Variants in CMTM7 observed in about 807,000 individuals in gnomAD.
The protein encoded by CMTM7 is CKLF-like MARVEL transmembrane domain-containing protein 7.
A neutral mutation model predicts 19.3 loss-of-function variants in CMTM7; 7 were observed. The ratio of observed to expected loss-of-function variants is 0.36; its 90% CI spans 0.21 to 0.68. The LOEUF (loss-of-function observed/expected upper bound fraction) is 0.68. CMTM7 is among the 30% of genes least tolerant of loss of function. The pLI is 0.60. For missense variants in CMTM7, 193 were observed against 232.6 expected, an observed-to-expected ratio of 0.83 and a Z score of 1.11; for synonymous variants, 87 against 99.3, an observed-to-expected ratio of 0.88 and a Z score of 0.74.
intron 1 of CMTM7, among the ~76,000 whole-genome samples, chr3:32,433,002 A>C (rs2125635875): frequency 6.6e-6 from 1 of 152,302 alleles, no homozygotes; most frequent in Non-Finnish European, 1.5e-5. Flanking sequence ...AGTGATGACA[A>C]GAGTGAGCAG....
At chr3:32,419,471 T>C (rs1696312194) in intron 1 of CMTM7, among the ~76,000 whole-genome samples, 1 of 152,238 alleles carries the variant, frequency 6.6e-6, no homozygotes, top group Non-Finnish European at 1.5e-5. Flanking sequence ...GCATGCAGTA[T>C]CTCATCAAGT....
At chr3:32,424,005 A>G (rs979428369) in intron 1 of CMTM7, among the ~76,000 whole-genome samples, 51 of 152,318 alleles carry the variant, frequency 3.3e-4, no homozygotes, top group African/African-American at 1.2e-3. Flanking sequence ...ATAACGGATT[A>G]CTCAAAAATT....
chr3:32,401,631 C>T (rs1205500953), intron 1 of CMTM7, among the ~76,000 whole-genome samples: 1 of 152,274 alleles, frequency 6.6e-6, no homozygotes, highest in Non-Finnish European at 1.5e-5. Context: ...ACTGGACAGC[C>T]ATCTGTTTCC....
At chr3:32,443,687 G>T (rs1198565345) in intron 2 of CMTM7, among the ~76,000 whole-genome samples, 1 of 152,178 alleles carries the variant, frequency 6.6e-6, no homozygotes, top group Non-Finnish European at 1.5e-5. Context: ...CCCACCAGGA[G>T]TGTATGAAGG....
rs1695838999 is a variant in CMTM7 at position 32,391,868 on chromosome 3, A to T, written c.-39A>T. On this transcript the variant is annotated 5_prime_UTR_variant, in exon 1 of 5. Transcript: ENST00000334983. ...CGCCCTCTGTATCTGGCCCCTGGGCAGCTGCCCGGGGAGGCGGCCAGCGAG... is the reference window on the plus strand; with the variant it reads ...CGCCCTCTGTATCTGGCCCCTGGGCTGCTGCCCGGGGAGGCGGCCAGCGAG... 1 of 948,816 alleles carries T rather than the reference A, an allele frequency of 1.1e-6. No individual in the cohort carries two copies. Among genetic ancestry groups the T allele is most frequent in the African/African-American group, 1.8e-5 (1 of 56,916 alleles). 58.8% of individuals were successfully genotyped at this position (948,816 alleles called of 1,614,324 possible). A position where few individuals can be genotyped will look rare whatever the true frequency, so the allele number is the denominator to read the frequency against.
chr3:32,454,144 C>T, intron 4 of CMTM7, 97 bp from the exon 5 acceptor site: 3 of 1,278,122 alleles, frequency 2.3e-6, no homozygotes, highest in Middle Eastern at 2.0e-4. Flanking sequence ...GACACAGGTG[C>T]CCCCCTGAGC....
chr3:32,400,643 G>A (rs1002070204), intron 1 of CMTM7, among the ~76,000 whole-genome samples: 2 of 151,968 alleles, frequency 1.3e-5, no homozygotes, highest in African/African-American at 2.4e-5. Context: ...CACCTGCCTC[G>A]GCCTCCCAAA....
intron 1 of CMTM7, among the ~76,000 whole-genome samples, chr3:32,436,019 C>T (rs1270062021): frequency 5.3e-5 from 8 of 152,180 alleles, no homozygotes; most frequent in Admixed American, 3.3e-4. Flanking sequence ...ATCTGGTTTT[C>T]GGTATGCTGC....
intron 1 of CMTM7, among the ~76,000 whole-genome samples, chr3:32,401,541 G>A (rs1304875235): frequency 6.6e-6 from 1 of 152,244 alleles, no homozygotes; most frequent in African/African-American, 2.4e-5. Context: ...GTGTGGGCCG[G>A]TGTATTTATT....
At position 32,423,869 on chromosome 3, in the gene CMTM7, G is replaced by A. The variant is rs114138934; in HGVS notation, c.160-17971G>A. Reference sequence around the variant, plus strand: ...GATGGTGTCTCTTTCACCTGTGCCCGTCACTGTCCTCTGGATAGATTTCAG... The same window carrying A: ...GATGGTGTCTCTTTCACCTGTGCCCATCACTGTCCTCTGGATAGATTTCAG... On this transcript the variant is annotated intron_variant, in intron 1 of 4. Transcript: ENST00000334983. 3.4e-3 allele frequency among the ~76,000 whole-genome samples: 516 copies of A among 152,296 alleles called. 6 individuals carry two copies. The highest frequency in any genetic ancestry group is 3.8e-3 in the Non-Finnish European group (257 of 68,034).
At chr3:32,443,435 A>C (rs1332477853) in intron 2 of CMTM7, among the ~76,000 whole-genome samples, 1 of 152,150 alleles carries the variant, frequency 6.6e-6, no homozygotes, top group Non-Finnish European at 1.5e-5. Flanking sequence ...CATTGTGTGG[A>C]TAGACCAGAC....
chr3:32,437,959 A>G (rs546089237), intron 1 of CMTM7, among the ~76,000 whole-genome samples: 3 of 152,336 alleles, frequency 2.0e-5, no homozygotes, highest in Non-Finnish European at 4.4e-5. Context: ...TGACAGTTCA[A>G]TATAAAAGAA....
chr3:32,452,958 T>TGG (rs1696859757), intron 4 of CMTM7, among the ~76,000 whole-genome samples: 5 of 121,310 alleles, frequency 4.1e-5, no homozygotes, highest in Admixed American at 1.9e-4. Flanking sequence ...TTTTTTAGAG[T>TGG]TGGAGTCTCA....
intron 1 of CMTM7, among the ~76,000 whole-genome samples, chr3:32,408,888 CT>C (rs776686894): frequency 1.8e-3 from 258 of 146,130 alleles, no homozygotes; most frequent in Middle Eastern, 0.011. Flanking sequence ...ATTTTTGTAA[CT>C]TTTTTTTTTT....
chr3:32,408,298 A>G (rs923054715), intron 1 of CMTM7, among the ~76,000 whole-genome samples: 2 of 152,244 alleles, frequency 1.3e-5, no homozygotes, highest in Non-Finnish European at 2.9e-5. Flanking sequence ...ACAAGAAATG[A>G]ATACAACCAA....
intron 1 of CMTM7, among the ~76,000 whole-genome samples, chr3:32,416,198 G>GTGATT (rs1696259050): frequency 7.6e-6 from 1 of 130,854 alleles, no homozygotes; most frequent in Non-Finnish European, 1.8e-5. Flanking sequence ...GTACTTTTTT[G>GTGATT]TGTTTTGTTT....
intron 4 of CMTM7, among the ~76,000 whole-genome samples, chr3:32,452,842 C>G (rs1467875059): frequency 6.6e-6 from 1 of 151,030 alleles, no homozygotes; most frequent in Non-Finnish European, 1.5e-5. Context: ...CCTCCGCCTC[C>G]CAGGCTCAAG....
intron 1 of CMTM7, among the ~76,000 whole-genome samples, chr3:32,410,423 C>G (rs1383595800): frequency 6.6e-6 from 1 of 152,212 alleles, no homozygotes; most frequent in Non-Finnish European, 1.5e-5. Flanking sequence ...CACTCCTTTC[C>G]AAAGAGTCAG....
intron 1 of CMTM7, among the ~76,000 whole-genome samples, chr3:32,413,244 T>A (rs1454934227): frequency 6.6e-6 from 1 of 152,244 alleles, no homozygotes; most frequent in Non-Finnish European, 1.5e-5. Context: ...TGTTTTACGG[T>A]ATGCAGTAGA....
Sources: gnomAD v4.1 joint callset for allele counts (sites outside exome capture counted in the v4.1 genomes callset) on GRCh38, gnomAD v4.1.1 for gene constraint, MANE v1.5 for transcripts, NCBI Gene and HGNC (gene_info 2026-07-23, HGNC 2026-07-21) for gene names.